The following DTWD2 variants were observed in gnomAD, a reference collection of about 807,000 sequenced individuals.
DTWD2 encodes the protein tRNA-uridine aminocarboxypropyltransferase 2.
DTWD2 carries 39 observed loss-of-function variants against 31.8 expected under a neutral mutation model. That is an observed-to-expected ratio of 1.22 (90% CI 0.95 to 1.60). The LOEUF (loss-of-function observed/expected upper bound fraction) is 1.60, where lower values mean the gene tolerates loss of function less well. Among genes scored for constraint, DTWD2 ranks in the 40% most tolerant of loss-of-function variants. The pLI is 0.00. For missense variants in DTWD2, 515 were observed against 381.5 expected, an observed-to-expected ratio of 1.35 and a Z score of -2.92; for synonymous variants, 180 against 142.8, an observed-to-expected ratio of 1.26 and a Z score of -1.86.
chr5:118,854,527 C>A (rs1483255669), intron 4 of DTWD2, among the ~76,000 whole-genome samples: 3 of 151,544 alleles, frequency 2.0e-5, no homozygotes, highest in African/African-American at 7.3e-5. Flanking sequence ...AAAAAAAATT[C>A]TAAAGAGAAT....
intron 4 of DTWD2, among the ~76,000 whole-genome samples, chr5:118,875,468 C>T (rs1279079400): frequency 6.9e-6 from 1 of 144,674 alleles, no homozygotes; most frequent in African/African-American, 2.6e-5. Flanking sequence ...ATCTCACATG[C>T]AGTGATATAC....
intron 4 of DTWD2, among the ~76,000 whole-genome samples, chr5:118,856,064 C>T (rs2149541948): frequency 6.6e-6 from 1 of 152,192 alleles, no homozygotes; most frequent in Middle Eastern, 3.4e-3. Flanking sequence ...CCAGTATACT[C>T]CAGAGAAAGA....
intron 3 of DTWD2, among the ~76,000 whole-genome samples, chr5:118,932,661 G>A (rs1381521341): frequency 6.6e-6 from 1 of 152,090 alleles, no homozygotes; most frequent in Non-Finnish European, 1.5e-5. Context: ...AGGAAATTTG[G>A]ACACAAAAGA....
intron 1 of DTWD2, chr5:118,974,649 G>A: frequency 2.0e-6 from 1 of 509,552 alleles, no homozygotes; most frequent in South Asian, 1.5e-5. Flanking sequence ...TAAGTAGTTG[G>A]TTTGTATGAG....
chr5:118,967,985 C>T (rs569749456), intron 1 of DTWD2, among the ~76,000 whole-genome samples: 67 of 152,250 alleles, frequency 4.4e-4, no homozygotes, highest in African/African-American at 1.6e-3. Context: ...ACCAAATGAT[C>T]TATGTTAATT....
At chr5:118,881,312 C>A (rs1023463226) in intron 4 of DTWD2, among the ~76,000 whole-genome samples, 3 of 152,046 alleles carry the variant, frequency 2.0e-5, no homozygotes, top group Admixed American at 6.5e-5. Context: ...ATACCATAAT[C>A]TAAGATATAA....
At chr5:118,844,552 C>G (rs752910528) in intron 5 of DTWD2, among the ~76,000 whole-genome samples, 4 of 152,166 alleles carry the variant, frequency 2.6e-5, no homozygotes, top group Non-Finnish European at 4.4e-5. Context: ...TCATTATTAT[C>G]TCAGTTCTTG....
intron 4 of DTWD2, among the ~76,000 whole-genome samples, chr5:118,922,026 G>C (rs368329279): frequency 7.9e-5 from 12 of 152,294 alleles, no homozygotes; most frequent in African/African-American, 2.6e-4. Context: ...AGTAGAGAAA[G>C]GATATGCAAC....
At chr5:118,874,334 A>G (rs1384309092) in intron 4 of DTWD2, among the ~76,000 whole-genome samples, 1 of 152,212 alleles carries the variant, frequency 6.6e-6, no homozygotes, top group Non-Finnish European at 1.5e-5. Flanking sequence ...CTTTCCAACA[A>G]TGGTTTGGAA....
At chr5:118,910,731 A>G (rs1753440578) in intron 4 of DTWD2, among the ~76,000 whole-genome samples, 1 of 152,178 alleles carries the variant, frequency 6.6e-6, no homozygotes, top group Admixed American at 6.5e-5. Context: ...AGCTACTATA[A>G]CAAAATACCT....
At chr5:118,940,038 A>C (rs1444113228) in intron 2 of DTWD2, among the ~76,000 whole-genome samples, 2 of 152,184 alleles carry the variant, frequency 1.3e-5, no homozygotes, top group Non-Finnish European at 2.9e-5. Context: ...CTCCCACTTG[A>C]GTGTGGGCTG....
intron 4 of DTWD2, among the ~76,000 whole-genome samples, chr5:118,894,602 C>T (rs1342381556): frequency 6.6e-6 from 1 of 151,962 alleles, no homozygotes; most frequent in Non-Finnish European, 1.5e-5. Flanking sequence ...CCCTGATGAA[C>T]ACAAATGTAA....
At chr5:118,975,301 T>C (rs1755126783) in intron 1 of DTWD2, among the ~76,000 whole-genome samples, 1 of 152,144 alleles carries the variant, frequency 6.6e-6, no homozygotes, top group South Asian at 2.1e-4. Flanking sequence ...TATCCTTTCT[T>C]CCGCTTGATC....
chr5:118,853,185 A>C (rs1225102755), intron 4 of DTWD2, among the ~76,000 whole-genome samples: 4 of 152,132 alleles, frequency 2.6e-5, no homozygotes, highest in Non-Finnish European at 5.9e-5. Context: ...CATGCAACAA[A>C]CCTGCACATA....
intron 3 of DTWD2, among the ~76,000 whole-genome samples, chr5:118,936,004 G>C (rs1754037059): frequency 6.6e-6 from 1 of 151,986 alleles, no homozygotes; most frequent in South Asian, 2.1e-4. Flanking sequence ...CACAAAACAA[G>C]TATCAATAAA....
At chr5:118,937,313 A>G (rs1754064557) in intron 3 of DTWD2, among the ~76,000 whole-genome samples, 1 of 151,776 alleles carries the variant, frequency 6.6e-6, no homozygotes, top group African/African-American at 2.4e-5. Flanking sequence ...ATTGTATAAC[A>G]TGGTTATTAC....
chr5:118,987,895 G>A (rs530452727), intron 1 of DTWD2, among the ~76,000 whole-genome samples: 18 of 152,252 alleles, frequency 1.2e-4, no homozygotes, highest in African/African-American at 3.1e-4. Flanking sequence ...ATAGGTAAAG[G>A]AGACTGTCTC....
chr5:118,967,057 C>CA (rs113213191), intron 1 of DTWD2, among the ~76,000 whole-genome samples: 3,183 of 135,108 alleles, frequency 0.024, 47 homozygotes, highest in African/African-American at 0.034. Context: ...ATCAGTAACT[C>CA]AAAAAAAAAA....
chr5:118,973,952 G>A, intron 1 of DTWD2: 1 of 1,586,150 alleles, frequency 6.3e-7, no homozygotes. Context: ...CAATGAGGTA[G>A]ATGAAGAAGA....
Sources: allele counts gnomAD v4.1 joint callset (sites outside exome capture counted in the v4.1 genomes callset), GRCh38; gene constraint gnomAD v4.1.1; transcripts MANE v1.5; gene names NCBI Gene and HGNC (gene_info 2026-07-23, HGNC 2026-07-21).